The following GLYR1 variants were observed in gnomAD, a reference collection of about 807,000 sequenced individuals.
The protein encoded by GLYR1 is glyoxylate reductase 1 homolog.
Under a neutral mutation model 72.7 loss-of-function variants are expected in GLYR1, and 21 were observed. That is an observed-to-expected ratio of 0.29 (90% CI 0.20 to 0.42). The LOEUF is 0.42. Ranked by LOEUF, GLYR1 falls within the 10% of genes least tolerant of loss-of-function variation. GLYR1 has a pLI of 1.00. For synonymous variants in GLYR1, 392 were observed against 270.2 expected (o/e 1.45, Z -4.42); for missense variants, 594 against 712.1 (o/e 0.83, Z 1.89).
chr16:4,840,549 T>A (rs1011310339), intron 3 of GLYR1, among the ~76,000 whole-genome samples: 9 of 151,590 alleles, frequency 5.9e-5, no homozygotes, highest in Admixed American at 3.3e-4. Context: ...ACACACACAC[T>A]CTCTCTCTCT....
At chr16:4,819,898 A>G (rs1404829684) in intron 9 of GLYR1, among the ~76,000 whole-genome samples, 1 of 152,082 alleles carries the variant, frequency 6.6e-6, no homozygotes, top group Non-Finnish European at 1.5e-5. Context: ...TTTGTCACTC[A>G]TTATTTGGGT....
Position 4,832,063 on chromosome 16 carries a change from A to G in GLYR1, c.453T>C (p.Ser151=), listed in dbSNP as rs141102694. The G allele has an allele frequency of 9.3e-6, 15 of 1,614,168 alleles. No individual in the cohort carries two copies. In the African/African-American group the frequency reaches 1.7e-4, roughly 19 times the overall value. The change falls in exon 5 of 16, where the codon TCT becomes TCC. Residue 151 remains serine, a synonymous_variant. Transcript: ENST00000321919. ...GEGKKRVSSG[S]SERGSKSPLK... ...GAGGGGATTTGGAGCCTCTCTCTGA[A>G]GAGCCTGAAGACACCCTCTTCTTTC... is the stretch of plus-strand genomic sequence containing the variant.
At chr16:4,806,432 T>G (rs1294378553) in intron 15 of GLYR1, among the ~76,000 whole-genome samples, 1 of 151,108 alleles carries the variant, frequency 6.6e-6, no homozygotes, top group South Asian at 2.1e-4. Flanking sequence ...TCATGGCTCA[T>G]TGCAGCCTCG....
intron 5 of GLYR1, 60 bp downstream of exon 5, chr16:4,831,919 A>G: frequency 6.4e-7 from 1 of 1,571,958 alleles, no homozygotes; most frequent in Non-Finnish European, 8.6e-7. Flanking sequence ...TGTAGAGCTT[A>G]ACTCTACCTT....
At chr16:4,818,410 T>TACC (rs2083790630) in intron 9 of GLYR1, among the ~76,000 whole-genome samples, 1 of 152,094 alleles carries the variant, frequency 6.6e-6, no homozygotes, top group Non-Finnish European at 1.5e-5. Flanking sequence ...TCCTTCCCCC[T>TACC]CAGCCTCCTG....
At chr16:4,819,014 T>A (rs138593769) in intron 9 of GLYR1, among the ~76,000 whole-genome samples, 124 of 152,330 alleles carry the variant, frequency 8.1e-4, no homozygotes, top group African/African-American at 3.0e-3. Flanking sequence ...CTGCTGCTAT[T>A]TCAACATGCT....
rs1272087586 is a variant in GLYR1, at chr16:4,845,896, T to C, written c.75+278A>G. On this transcript the variant is annotated intron_variant, in intron 2 of 15. Coordinates refer to ENST00000321919, the MANE Select transcript of GLYR1 (RefSeq NM_032569.4). ...CTTCTCCTTTTGTTACATTTAAGCA[T>C]AAAGCTAAATTCAGACTAGAATTAT... Among the ~76,000 whole-genome samples, 4 of 152,218 alleles carry C rather than the reference T, an allele frequency of 2.6e-5. No homozygotes were observed. The East Asian group carries it at 7.7e-4, about 29-fold the overall frequency.
chr16:4,844,742 G>C (rs778601143), intron 3 of GLYR1, among the ~76,000 whole-genome samples: 18 of 152,224 alleles, frequency 1.2e-4, no homozygotes, highest in African/African-American at 4.8e-5. Context: ...CTGGGTGACA[G>C]ACTAAGTCTC....
chr16:4,844,947 T>A (rs567508461), intron 3 of GLYR1, 127 bp downstream of exon 3: 1 of 676,578 alleles, frequency 1.5e-6, no homozygotes, highest in South Asian at 1.9e-5. Flanking sequence ...GAAGGCAGAA[T>A]GAGATGCCAG....
chr16:4,823,366 C>G (rs1018578600), intron 6 of GLYR1, among the ~76,000 whole-genome samples: 1 of 152,184 alleles, frequency 6.6e-6, no homozygotes, highest in Non-Finnish European at 1.5e-5. Context: ...TTAACAGAAA[C>G]AGAGTAGCCA....
intron 15 of GLYR1, among the ~76,000 whole-genome samples, chr16:4,807,129 TG>T (rs1428883694): frequency 2.0e-3 from 280 of 136,908 alleles, no homozygotes; most frequent in African/African-American, 6.8e-3. Context: ...TTTTTTTTTT[TG>T]AGACGGAGTC....
intron 10 of GLYR1, 70 bp downstream of exon 10, chr16:4,817,528 G>A: frequency 1.1e-6 from 1 of 893,888 alleles, no homozygotes; most frequent in Non-Finnish European, 1.9e-6. Context: ...GAGACAACAG[G>A]GGGAGATGTC....
At chr16:4,828,026 A>T (rs1320912917) in intron 5 of GLYR1, among the ~76,000 whole-genome samples, 1 of 147,476 alleles carries the variant, frequency 6.8e-6, no homozygotes, top group African/African-American at 2.5e-5. Context: ...CTCTGTCAGC[A>T]TTTTTTTTTT....
intron 12 of GLYR1, among the ~76,000 whole-genome samples, chr16:4,812,803 T>C (rs2083398112): frequency 6.7e-6 from 1 of 150,164 alleles, no homozygotes; most frequent in Non-Finnish European, 1.5e-5. Flanking sequence ...AATTTTTTTG[T>C]TTTGTTTTTT....
At chr16:4,823,958 A>C in intron 5 of GLYR1, 51 bp from the exon 6 acceptor site, 2 of 1,416,920 alleles carry the variant, frequency 1.4e-6, no homozygotes, top group Non-Finnish European at 1.0e-6. Flanking sequence ...ACCCCAACAA[A>C]ACCCCTTGCA....
At chr16:4,806,560 G>T (rs1444244862) in intron 15 of GLYR1, among the ~76,000 whole-genome samples, 2 of 151,424 alleles carry the variant, frequency 1.3e-5, no homozygotes, top group Non-Finnish European at 2.9e-5. Flanking sequence ...ACAGATGGGG[G>T]TCTTGCTATG....
chr16:4,830,529 A>G (rs1450839007), intron 5 of GLYR1, among the ~76,000 whole-genome samples: 1 of 152,186 alleles, frequency 6.6e-6, no homozygotes, highest in African/African-American at 2.4e-5. Flanking sequence ...TCTTAGGTCC[A>G]GTCAGCTACA....
At position 4,845,109 on chromosome 16, in the gene GLYR1, T is replaced by C. The variant is rs755473882; in HGVS notation, c.120A>G (p.Lys40=). 213 of 1,613,934 alleles carry C rather than the reference T, an allele frequency of 1.3e-4. No homozygotes were observed. Among genetic ancestry groups the C allele is most frequent in the South Asian group, 3.1e-4 (28 of 91,078 alleles). The change falls in exon 3 of 16, where the codon AAA becomes AAG. Residue 40 remains lysine, a synonymous_variant. Coordinates refer to ENST00000321919, the MANE Select transcript of GLYR1 (RefSeq NM_032569.4). ...PKDLKKPRGK[K]CFFVKFFGTE... ...TTCCAAAAAATTTCACAAAGAAGCA[T>C]TTCTTTCCGCGAGGTTTCTTCAAGT...
Position 4,822,109 on chromosome 16 carries a change from T to C in GLYR1, c.682-512A>G, listed in dbSNP as rs1431161564. Among the ~76,000 whole-genome samples, 8 of 152,374 alleles carry C rather than the reference T, an allele frequency of 5.3e-5. No homozygotes were observed. In the South Asian group the frequency reaches 8.3e-4, roughly 16 times the overall value. On this transcript the variant is annotated intron_variant, in intron 7 of 15. Transcript: ENST00000321919. The stretch of plus-strand genomic sequence containing the variant: ...CTGAGTTTTAAATGCTCTTCTGAGA[T>C]AGAGTCTCGCTCTGTCGCCCAGGCT...
Sources: allele counts gnomAD v4.1 joint callset (sites outside exome capture counted in the v4.1 genomes callset), GRCh38; gene constraint gnomAD v4.1.1; transcripts MANE v1.5; gene names NCBI Gene and HGNC (gene_info 2026-07-23, HGNC 2026-07-21).